Variants in SLIT2 observed in about 807,000 individuals in gnomAD.
SLIT2 encodes the protein slit guidance ligand 2, also known as slit homolog 2 protein.
In SLIT2, 41 loss-of-function variants were observed where a neutral mutation model predicts 185.7. The ratio of observed to expected loss-of-function variants is 0.22; its 90% CI spans 0.17 to 0.29. The LOEUF is 0.29. SLIT2 is among the 10% of genes least tolerant of loss of function. SLIT2 has a pLI of 1.00. For missense variants in SLIT2, 1,571 were observed against 1,909.0 expected, an observed-to-expected ratio of 0.82 and a Z score of 3.30; for synonymous variants, 693 against 680.2, an observed-to-expected ratio of 1.02 and a Z score of -0.29.
chr4:20,252,708 A>C lies in SLIT2; in HGVS notation c.-1108A>C, dbSNP rs1385147185. ...GAGCGGGGTTGACACGCGCGCACAC[A>C]CTACTGCCATTCAGCTGCCGCCTGG... is the stretch of plus-strand genomic sequence containing the variant. On this transcript the variant is annotated 5_prime_UTR_variant, in exon 1 of 37. Coordinates refer to ENST00000504154, the MANE Select transcript of SLIT2 (RefSeq NM_004787.4). Among the ~76,000 whole-genome samples, 4 of 152,056 alleles carry C rather than the reference A, an allele frequency of 2.6e-5. No individual in the cohort carries two copies. Among genetic ancestry groups the C allele is most frequent in the African/African-American group, 7.2e-5 (3 of 41,406 alleles).
At chr4:20,307,309 C>T (rs1717675561) in intron 4 of SLIT2, among the ~76,000 whole-genome samples, 1 of 146,236 alleles carries the variant, frequency 6.8e-6, no homozygotes, top group East Asian at 2.0e-4. Flanking sequence ...GTCACCCAGG[C>T]AGGAGTGCAG....
Position 20,488,945 on chromosome 4 carries a change from T to C in SLIT2, c.738T>C (p.Asn246=), listed in dbSNP as rs772377259. 1 of 1,611,612 alleles carries C rather than the reference T, an allele frequency of 6.2e-7. No homozygotes were observed. The highest frequency in any genetic ancestry group is 1.7e-5 in the Admixed American group (1 of 59,984). The change falls in exon 8 of 37, where the codon AAT becomes AAC. Residue 246 remains asparagine, a synonymous_variant. Transcript: ENST00000504154. ...GCCCCTCCCACCTGAGAGGCCATAA[T>C]GTAGCCGAGGTTCAAAAACGAGAAT... is the stretch of plus-strand genomic sequence containing the variant. ...CMGPSHLRGH[N]VAEVQKREFV... is the part of the protein sequence containing the mutation.
chr4:20,512,284 C>A (rs144217117), intron 11 of SLIT2, among the ~76,000 whole-genome samples: 111 of 152,204 alleles, frequency 7.3e-4, no homozygotes, highest in African/African-American at 2.6e-3. Flanking sequence ...GAACAACTTG[C>A]TGGCACTCTT....
chr4:20,458,535 C>G (rs1193287921), intron 4 of SLIT2, among the ~76,000 whole-genome samples: 1 of 152,122 alleles, frequency 6.6e-6, no homozygotes, highest in South Asian at 2.1e-4. Flanking sequence ...TCTGGAGTGG[C>G]GCTCAGAAGT....
chr4:20,569,181 A>T, intron 29 of SLIT2, 177 bp downstream of exon 29: 1 of 601,258 alleles, frequency 1.7e-6, no homozygotes, highest in East Asian at 2.9e-5. Flanking sequence ...CTAACCAAAT[A>T]AAAGACCCAG....
intron 4 of SLIT2, among the ~76,000 whole-genome samples, chr4:20,385,600 TG>T (rs1724872897): frequency 6.6e-6 from 1 of 152,162 alleles, no homozygotes; most frequent in Non-Finnish European, 1.5e-5. Flanking sequence ...ATTTCATCGG[TG>T]AAATAAAGTC....
At chr4:20,615,570 C>T (rs1200788558) in intron 34 of SLIT2, 3 of 152,212 alleles carry the variant, frequency 2.0e-5, no homozygotes, top group Non-Finnish European at 2.9e-5. Context: ...GATGACAATA[C>T]TAAGCCCCAG....
At position 20,488,906 on chromosome 4, in the gene SLIT2, C is replaced by T; in HGVS notation, c.699C>T (p.Tyr233=). The T allele has an allele frequency of 3.1e-6, 5 of 1,612,826 alleles. No homozygotes were observed. Among genetic ancestry groups the T allele is most frequent in the Non-Finnish European group, 3.4e-6 (4 of 1,179,058 alleles). ...GCCAAAGGCCTCGGGTTGGTCTGTA[C>T]ACTCAGTGTATGGGCCCCTCCCACC... The part of the protein sequence containing the change: ...WLRQRPRVGL[Y]TQCMGPSHLR... Residue 233 remains tyrosine (Y), a synonymous_variant, in exon 8 of 37, where the codon TAC becomes TAT. Coordinates refer to ENST00000504154, the MANE Select transcript of SLIT2 (RefSeq NM_004787.4).
At chr4:20,386,086 G>GT (rs1487771045) in intron 4 of SLIT2, among the ~76,000 whole-genome samples, 1 of 152,092 alleles carries the variant, frequency 6.6e-6, no homozygotes, top group African/African-American at 2.4e-5. Context: ...GCCATAATGT[G>GT]TATGATATAT....
chr4:20,539,721 T>C, intron 19 of SLIT2, 137 bp downstream of exon 19: 1 of 501,560 alleles, frequency 2.0e-6, no homozygotes, highest in Admixed American at 4.1e-5. Flanking sequence ...CTTGTTCACA[T>C]CAAATTTATT....
chr4:20,469,179 G>A (rs748893661), intron 5 of SLIT2, among the ~76,000 whole-genome samples: 1 of 152,130 alleles, frequency 6.6e-6, no homozygotes, highest in African/African-American at 2.4e-5. Flanking sequence ...AATCTACCTG[G>A]ATAGAACAGT....
chr4:20,539,382 A>C, intron 18 of SLIT2, 59 bp from the exon 19 acceptor site: 1 of 1,525,146 alleles, frequency 6.6e-7, no homozygotes, highest in Non-Finnish European at 8.9e-7. Context: ...ATCCTCAGAT[A>C]GGCAAAATTG....
chr4:20,391,760 G>A (rs954793921), intron 4 of SLIT2, among the ~76,000 whole-genome samples: 1 of 152,018 alleles, frequency 6.6e-6, no homozygotes, highest in East Asian at 1.9e-4. Context: ...TTCTGAATGA[G>A]ATTATTTAAA....
At chr4:20,610,319 A>G in intron 34 of SLIT2, 152 bp downstream of exon 34, 1 of 636,680 alleles carries the variant, frequency 1.6e-6, no homozygotes, top group South Asian at 2.6e-5. Flanking sequence ...CAGAACAGAA[A>G]GATCTCTAGG....
intron 34 of SLIT2, among the ~76,000 whole-genome samples, chr4:20,612,464 C>A (rs1282130613): frequency 6.6e-6 from 1 of 152,144 alleles, no homozygotes; most frequent in Non-Finnish European, 1.5e-5. Flanking sequence ...CCAGAGATCA[C>A]CATGGGCCCA....
At chr4:20,312,521 C>A (rs1454220214) in intron 4 of SLIT2, among the ~76,000 whole-genome samples, 1 of 151,824 alleles carries the variant, frequency 6.6e-6, no homozygotes, top group Non-Finnish European at 1.5e-5. Context: ...TGCCTGTAAT[C>A]CCAGCACTTT....
intron 14 of SLIT2, 47 bp downstream of exon 14, chr4:20,524,224 A>C (rs377615984): frequency 6.3e-7 from 1 of 1,580,004 alleles, no homozygotes; most frequent in Middle Eastern, 1.7e-4. Context: ...AACAATGGTT[A>C]CATGAGACCT....
chr4:20,322,870 T>G (rs1719221982), intron 4 of SLIT2, among the ~76,000 whole-genome samples: 1 of 152,142 alleles, frequency 6.6e-6, no homozygotes, highest in East Asian at 1.9e-4. Context: ...TCCATGTCAA[T>G]ACAACTTCAC....
rs185643501 is a variant in SLIT2, at chr4:20,333,083, G to A, written c.395+64202G>A. Among the ~76,000 whole-genome samples, 847 of 152,000 alleles carry A rather than the reference G, an allele frequency of 5.6e-3. 17 individuals carry two copies. The highest frequency in any genetic ancestry group is 0.027 in the Middle Eastern group (8 of 292). On this transcript the variant is annotated intron_variant, in intron 4 of 36. Coordinates refer to ENST00000504154, the MANE Select transcript of SLIT2 (RefSeq NM_004787.4). Reference sequence around the variant, plus strand: ...GTTACCACATGATGTAAGTTTTTTTGTGCTTTAGAAATTGTCCTTTTATTT... The same window carrying A: ...GTTACCACATGATGTAAGTTTTTTTATGCTTTAGAAATTGTCCTTTTATTT...
Sources: allele counts gnomAD v4.1 joint callset (sites outside exome capture counted in the v4.1 genomes callset), GRCh38; gene constraint gnomAD v4.1.1; transcripts MANE v1.5; gene names NCBI Gene and HGNC (gene_info 2026-07-23, HGNC 2026-07-21).